TAF4B: variants seen among roughly 807,000 people sequenced by gnomAD.
The protein encoded by TAF4B is transcription initiation factor TFIID subunit 4B.
In TAF4B, 38 loss-of-function variants were observed where a neutral mutation model predicts 86.4. That is an observed-to-expected ratio of 0.44 (90% CI 0.34 to 0.58). TAF4B has a LOEUF of 0.58. Ranked by LOEUF, TAF4B falls within the 20% of genes least tolerant of loss-of-function variation. TAF4B has a pLI of 0.02. For missense variants in TAF4B, 988 were observed against 1,027.6 expected (o/e 0.96, Z 0.53); for synonymous variants, 388 against 391.2 (o/e 0.99, Z 0.10).
At chr18:26,339,121 G>T (rs1401097675) in intron 13 of TAF4B, among the ~76,000 whole-genome samples, 1 of 152,068 alleles carries the variant, frequency 6.6e-6, no homozygotes, top group African/African-American at 2.4e-5. Context: ...CAACTTACGG[G>T]CTGTCTTCTT....
chr18:26,315,853 AGGG>A (rs2056905693), intron 10 of TAF4B, among the ~76,000 whole-genome samples: 1 of 152,188 alleles, frequency 6.6e-6, no homozygotes. Context: ...TTAGAGTCTT[AGGG>A]TCCTCTCTAG....
rs145980926 is a variant in TAF4B, at chr18:26,267,326, A to G, written c.490-190A>G. On this transcript the variant is annotated intron_variant, in intron 2 of 14. Coordinates refer to ENST00000269142, the MANE Select transcript of TAF4B (RefSeq NM_005640.3). ...ATCAGTTGCCACCTTAGAAATATGA[A>G]ATGAGTGTCATCTGGGCAGCTGACC... is the stretch of plus-strand genomic sequence containing the variant. The G allele has an allele frequency of 8.9e-4, 378 of 425,520 alleles. 1 individual carries two copies. Among genetic ancestry groups the G allele is most frequent in the African/African-American group, 7.0e-3 (351 of 50,382 alleles). 26.4% of individuals were successfully genotyped at this position (425,520 alleles called of 1,614,324 possible).
At chr18:26,315,184 C>CACAT (rs1282641823) in intron 9 of TAF4B, 45 bp from the exon 10 acceptor site, 2 of 1,312,844 alleles carry the variant, frequency 1.5e-6, no homozygotes, top group East Asian at 5.2e-5. Flanking sequence ...CACACACACA[C>CACAT]ACACACACAA....
chr18:26,364,257 A>T (rs548524318), intron 14 of TAF4B, among the ~76,000 whole-genome samples: 2 of 152,332 alleles, frequency 1.3e-5, no homozygotes, highest in African/African-American at 4.8e-5. Context: ...AGATATTTAT[A>T]CCATAAGCTT....
Position 26,285,222 on chromosome 18 carries a change from G to GTTTTTGTTTTTGTTTTTTGTTTT in TAF4B, c.973-655_973-654insGTTTTTGTTTTTTGTTTTTTTTT. ...ATTTCTTCCTTTCCTTTTTTTTTTT[G>GTTTTTGTTTTTGTTTTTTGTTTT]TTTTTTTTTTTTTTGGAGATGGGGT... On this transcript the variant is annotated intron_variant, in intron 6 of 14. Transcript: ENST00000269142. Among the ~76,000 whole-genome samples, 2 of 45,660 alleles carry GTTTTTGTTTTTGTTTTTTGTTTT rather than the reference G, an allele frequency of 4.4e-5. 1 individual carries two copies. The highest frequency in any genetic ancestry group is 9.0e-5 in the Non-Finnish European group (2 of 22,272). The allele number at this position is 45,660 out of a possible 152,430, so 30.0% of individuals were successfully genotyped here.
In TAF4B at chr18:26,347,339, A is replaced by G. The variant is rs542748921; in HGVS notation, c.2317-10351A>G. ...TAGACAAGGCCTACAAGAGATACTC[A>G]AGGGAGTTTTACATTTGAAAGTGAA... On this transcript the variant is annotated intron_variant, in intron 13 of 14. Transcript: ENST00000269142. Among the ~76,000 whole-genome samples, 13 of 152,290 alleles carry G rather than the reference A, an allele frequency of 8.5e-5. No homozygotes were observed. In the East Asian group the frequency reaches 2.3e-3, roughly 27 times the overall value.
chr18:26,385,573 C>T (rs1195988299), intron 14 of TAF4B, among the ~76,000 whole-genome samples: 1 of 152,022 alleles, frequency 6.6e-6, no homozygotes, highest in Admixed American at 6.6e-5. Flanking sequence ...CATTTTCATC[C>T]AGGTGAAGAA....
intron 10 of TAF4B, 50 bp from the exon 11 acceptor site, chr18:26,321,020 A>G: frequency 6.2e-7 from 1 of 1,608,676 alleles, no homozygotes; most frequent in South Asian, 1.1e-5. Flanking sequence ...TAATTATTTC[A>G]ATTATCAGCC....
chr18:26,314,039 G>A (rs2056877740), intron 9 of TAF4B, among the ~76,000 whole-genome samples: 2 of 151,964 alleles, frequency 1.3e-5, no homozygotes, highest in African/African-American at 4.8e-5. Flanking sequence ...CATCCCTAAT[G>A]TGTTGTTTTT....
rs769847478 is a variant in TAF4B at position 26,390,020 on chromosome 18, A to T, written c.*8A>T. 1 of 1,612,310 alleles carries T rather than the reference A, an allele frequency of 6.2e-7. No individual in the cohort carries two copies. Among genetic ancestry groups the T allele is most frequent in the Non-Finnish European group, 8.5e-7 (1 of 1,179,260 alleles). On this transcript the variant is annotated 3_prime_UTR_variant, in exon 15 of 15. Coordinates refer to ENST00000269142, the MANE Select transcript of TAF4B (RefSeq NM_005640.3). Reference sequence around the variant, plus strand: ...CTGGCCCTTCTGAAGTGACCACTCCACTCTTCCATCCAGATCCTTGCTATT... The same window carrying T: ...CTGGCCCTTCTGAAGTGACCACTCCTCTCTTCCATCCAGATCCTTGCTATT...
chr18:26,341,250 C>T (rs2057132757), intron 13 of TAF4B, among the ~76,000 whole-genome samples: 1 of 151,982 alleles, frequency 6.6e-6, no homozygotes, highest in African/African-American at 2.4e-5. Context: ...ATAAGATTGT[C>T]ATAATTTAGG....
At chr18:26,282,554 A>G (rs1416763301) in intron 6 of TAF4B, among the ~76,000 whole-genome samples, 1 of 152,182 alleles carries the variant, frequency 6.6e-6, no homozygotes, top group African/African-American at 2.4e-5. Context: ...AAGTTATAAT[A>G]TTTTTGATGG....
At chr18:26,269,863 A>G (rs892523961) in intron 3 of TAF4B, among the ~76,000 whole-genome samples, 2 of 152,084 alleles carry the variant, frequency 1.3e-5, no homozygotes, top group African/African-American at 2.4e-5. Context: ...GTTCTTAATG[A>G]CCTATGTACT....
At chr18:26,293,014 CA>C (rs1478178382) in intron 8 of TAF4B, among the ~76,000 whole-genome samples, 1 of 152,116 alleles carries the variant, frequency 6.6e-6, no homozygotes, top group Admixed American at 6.5e-5. Context: ...TCTCTATGTA[CA>C]CACTTGTATG....
chr18:26,391,285 C>T lies in TAF4B; in HGVS notation c.*1273C>T, dbSNP rs1322745883. ...AAAATAATCACTGTAGTTAGAATCACATACAGAAAAAAAATGATTGAATCC... is the reference window on the plus strand; with the variant it reads ...AAAATAATCACTGTAGTTAGAATCATATACAGAAAAAAAATGATTGAATCC... On this transcript the variant is annotated 3_prime_UTR_variant, in exon 15 of 15. Transcript: ENST00000269142. The T allele has an allele frequency of 2.7e-5, 4 of 145,866 alleles. No individual in the cohort carries two copies. Among genetic ancestry groups the T allele is most frequent in the African/African-American group, 1.0e-4 (4 of 39,422 alleles). The allele number at this position is 145,866 out of a possible 1,614,324, so 9.0% of individuals were successfully genotyped here. A position where few individuals can be genotyped will look rare whatever the true frequency, so the allele number is the denominator to read the frequency against.
intron 1 of TAF4B, among the ~76,000 whole-genome samples, chr18:26,263,429 C>G (rs563637335): frequency 1.4e-4 from 22 of 152,190 alleles, no homozygotes; most frequent in South Asian, 1.0e-3. Flanking sequence ...TCATCTTAAT[C>G]TTTGCTTGTC....
intron 9 of TAF4B, among the ~76,000 whole-genome samples, chr18:26,307,990 C>G (rs1190013947): frequency 6.6e-6 from 1 of 152,088 alleles, no homozygotes; most frequent in African/African-American, 2.4e-5. Context: ...CGCCTGTAGT[C>G]CCAGCTACTT....
chr18:26,389,377 CTTCA>C (rs1478163592), intron 14 of TAF4B, among the ~76,000 whole-genome samples: 2 of 152,104 alleles, frequency 1.3e-5, no homozygotes, highest in African/African-American at 4.8e-5. Flanking sequence ...CGTGAAAGGC[CTTCA>C]TTGTTATTTT....
chr18:26,389,986 G>A lies in TAF4B; in HGVS notation c.2563G>A (p.Ala855Thr), dbSNP rs781515887. The A allele has an allele frequency of 1.2e-6, 2 of 1,614,004 alleles. No homozygotes were observed. Among genetic ancestry groups the A allele is most frequent in the Non-Finnish European group, 1.7e-6 (2 of 1,179,980 alleles). Residue 855 changes from alanine (A) to threonine (T), a missense_variant, in exon 15 of 15, where the codon GCT (alanine) becomes ACT (threonine). Ala to Thr is a moderately conservative substitution (Grantham distance 58, BLOSUM62 0). Coordinates refer to ENST00000269142, the MANE Select transcript of TAF4B (RefSeq NM_005640.3). Reference sequence around the variant, plus strand: ...GGAACGGGAGATGAAGTATTCTCGAGCTCTATACCTGGCCCTTCTGAAGTG... The same window carrying A: ...GGAACGGGAGATGAAGTATTCTCGAACTCTATACCTGGCCCTTCTGAAGTG... ...EQEREMKYSRALYLALLK is the reference protein window; with the variant it reads ...EQEREMKYSRTLYLALLK
Sources: allele counts gnomAD v4.1 joint callset (sites outside exome capture counted in the v4.1 genomes callset), GRCh38; gene constraint gnomAD v4.1.1; transcripts MANE v1.5; gene names NCBI Gene and HGNC (gene_info 2026-07-23, HGNC 2026-07-21).